Variants in PARPBP observed in about 807,000 individuals in gnomAD.
PARPBP encodes PARP1 binding protein.
A neutral mutation model predicts 50.0 loss-of-function variants in PARPBP; 52 were observed. The ratio of observed to expected loss-of-function variants is 1.04; its 90% confidence interval spans 0.83 to 1.31. The LOEUF (loss-of-function observed/expected upper bound fraction) is 1.31. Among genes scored for constraint, PARPBP ranks in the 50% most tolerant of loss-of-function variants. The probability of loss-of-function intolerance (pLI) is 0.00; values close to 1 mark genes in which losing one functional copy is unlikely to be tolerated. For missense variants in PARPBP, 697 were observed against 672.0 expected, an observed-to-expected ratio of 1.04 and a Z score of -0.41; for synonymous variants, 244 against 232.1, an observed-to-expected ratio of 1.05 and a Z score of -0.47.
intron 2 of PARPBP, among the ~76,000 whole-genome samples, chr12:102,144,878 A>G (rs1885146692): frequency 6.6e-6 from 1 of 152,186 alleles, no homozygotes; most frequent in South Asian, 2.1e-4. Context: ...AATATGTCCT[A>G]CATTTGGAGA....
At chr12:102,150,175 T>G (rs1314705237) in intron 3 of PARPBP, 1 of 450,000 alleles carries the variant, frequency 2.2e-6, no homozygotes, top group Non-Finnish European at 4.5e-6. Flanking sequence ...TTGAAGCTGC[T>G]AAGATGGTAG....
chr12:102,145,868 T>C (rs544796697), intron 2 of PARPBP, among the ~76,000 whole-genome samples: 4 of 152,204 alleles, frequency 2.6e-5, no homozygotes, highest in Non-Finnish European at 5.9e-5. Flanking sequence ...GGCTCAAGGT[T>C]TTACACTTGA....
At chr12:102,143,108 G>T (rs576707207) in intron 2 of PARPBP, among the ~76,000 whole-genome samples, 122 of 152,314 alleles carry the variant, frequency 8.0e-4, no homozygotes, top group Non-Finnish European at 1.5e-3. Context: ...ACAGAGGCAG[G>T]CGGGCCTCCT....
At chr12:102,138,372 T>C (rs987102234) in intron 2 of PARPBP, among the ~76,000 whole-genome samples, 1 of 152,108 alleles carries the variant, frequency 6.6e-6, no homozygotes, top group African/African-American at 2.4e-5. Context: ...TTCTTGTAAA[T>C]TTTTTTTAAG....
chr12:102,170,986 A>T (rs900416056), intron 6 of PARPBP, among the ~76,000 whole-genome samples: 1 of 148,664 alleles, frequency 6.7e-6, no homozygotes, highest in African/African-American at 2.5e-5. Context: ...AGGTCTACAC[A>T]GGGTCAGGAT....
rs1004819261 is a variant in PARPBP, at chr12:102,164,510, G to A, written c.568G>A (p.Val190Met). ...LLVNSKNDLA[V>M]AYILNIPDRG... ...AGTGAATTCAAAGAATGACCTGGCT[G>A]TGGCTTATATTCTCAATATTCCTGA... The change falls in exon 5 of 11, where the codon GTG becomes ATG. Residue 190 changes from valine (V) to methionine (M), a missense_variant. Physicochemically the swap from Val to Met is conservative, Grantham distance 21. Coordinates refer to ENST00000327680, the MANE Select transcript of PARPBP (RefSeq NM_017915.5). 3.7e-6 allele frequency: 6 copies of A among 1,612,486 alleles called. No homozygotes were observed. In the African/African-American group the frequency reaches 4.0e-5, roughly 11 times the overall value.
rs1032725179 is a variant in PARPBP at position 102,153,912 on chromosome 12, G to A, written c.431G>A (p.Gly144Asp). The A allele has an allele frequency of 3.1e-6, 5 of 1,611,128 alleles. No homozygotes were observed. The African/African-American group carries it at 4.0e-5, about 13-fold the overall frequency. Residue 144 changes from glycine to aspartate, a missense_variant, in exon 4 of 11, where the codon GGT becomes GAT. Physicochemically the swap from Gly to Asp is moderately conservative, Grantham distance 94. Transcript: ENST00000327680. ...CTGTCTGGCAAACAGTATGCAGTAG[G>A]TGATGAAACTGATCTTTCTATACCA... The part of the protein sequence containing the change: ...DFLSGKQYAV[G>D]DETDLSIPTS...
chr12:102,197,216 G>A lies in PARPBP; in HGVS notation c.*925G>A. On this transcript the variant is annotated 3_prime_UTR_variant, in exon 11 of 11. Transcript: ENST00000327680. Reference sequence around the variant, plus strand: ...TTGGTTTTTAGCTATCGTATTCGGAGTGGAACTATAATACAATTGTATAAT... The same window carrying A: ...TTGGTTTTTAGCTATCGTATTCGGAATGGAACTATAATACAATTGTATAAT... The A allele has an allele frequency of 7.3e-7, 1 of 1,375,660 alleles. No individual in the cohort carries two copies. The highest frequency in any genetic ancestry group is 1.0e-6 in the Non-Finnish European group (1 of 969,804). The allele number at this position is 1,375,660 out of a possible 1,614,324, so 85.2% of individuals were successfully genotyped here.
At chr12:102,126,388 A>G (rs1186611404) in intron 2 of PARPBP, among the ~76,000 whole-genome samples, 1 of 152,200 alleles carries the variant, frequency 6.6e-6, no homozygotes, top group Admixed American at 6.5e-5. Flanking sequence ...CATGCTTTAA[A>G]AAAGTTTTTC....
intron 4 of PARPBP, among the ~76,000 whole-genome samples, chr12:102,156,307 C>A (rs1283319951): frequency 6.6e-6 from 1 of 150,434 alleles, no homozygotes; most frequent in Admixed American, 6.7e-5. Flanking sequence ...CTTCCTCAGC[C>A]TCCCGCGTAG....
At chr12:102,131,256 C>T (rs1048429026) in intron 2 of PARPBP, among the ~76,000 whole-genome samples, 1 of 152,164 alleles carries the variant, frequency 6.6e-6, no homozygotes. Context: ...ACCCGAGAGG[C>T]AGAGATTGCA....
intron 8 of PARPBP, among the ~76,000 whole-genome samples, chr12:102,181,309 AG>A (rs1007719783): frequency 3.9e-5 from 6 of 152,220 alleles, no homozygotes; most frequent in African/African-American, 1.4e-4. Flanking sequence ...TTCTCAGAAT[AG>A]AAATAATGAC....
Position 102,197,139 on chromosome 12 carries a change from A to G in PARPBP, c.*848A>G, listed in dbSNP as rs773860291. 2 of 1,612,060 alleles carry G rather than the reference A, an allele frequency of 1.2e-6. No individual in the cohort carries two copies. The highest frequency in any genetic ancestry group is 1.1e-5 in the South Asian group (1 of 91,026). On this transcript the variant is annotated 3_prime_UTR_variant, in exon 11 of 11. Transcript: ENST00000327680. ...TTATAGCCAGATTCAGTGGCAGACCATGATTTAAGAAATTATGTTTGGAGC... is the reference window on the plus strand; with the variant it reads ...TTATAGCCAGATTCAGTGGCAGACCGTGATTTAAGAAATTATGTTTGGAGC...
intron 9 of PARPBP, among the ~76,000 whole-genome samples, chr12:102,183,741 A>T (rs1890051200): frequency 6.6e-6 from 1 of 152,084 alleles, no homozygotes; most frequent in African/African-American, 2.4e-5. Context: ...AATAAGTCAT[A>T]TTTTGGGGAG....
At position 102,160,562 on chromosome 12, in the gene PARPBP, G is replaced by A. The variant is rs539659634; in HGVS notation, c.496-3876G>A. Among the ~76,000 whole-genome samples the A allele has an allele frequency of 5.3e-5, 8 of 152,286 alleles. No homozygotes were observed. In the East Asian group the frequency reaches 1.5e-3, roughly 29 times the overall value. ...ACAAAGAATTGTGTCTTAGACTATT[G>A]CACTGTGAAGTTAAAATGGAAACTC... On this transcript the variant is annotated intron_variant, in intron 4 of 10. Coordinates refer to ENST00000327680, the MANE Select transcript of PARPBP (RefSeq NM_017915.5).
intron 2 of PARPBP, among the ~76,000 whole-genome samples, chr12:102,125,611 C>T (rs1440752587): frequency 6.6e-6 from 1 of 152,028 alleles, no homozygotes; most frequent in Non-Finnish European, 1.5e-5. Flanking sequence ...TGTTAATCTC[C>T]TTCCCTCCAC....
intron 9 of PARPBP, among the ~76,000 whole-genome samples, chr12:102,183,109 GT>G (rs1349826406): frequency 2.0e-5 from 3 of 152,080 alleles, no homozygotes; most frequent in Non-Finnish European, 4.4e-5. Context: ...TTTGAACTAA[GT>G]TTTGCTGTCT....
At chr12:102,140,277 G>T (rs377198959) in intron 2 of PARPBP, among the ~76,000 whole-genome samples, 1 of 152,172 alleles carries the variant, frequency 6.6e-6, no homozygotes, top group Non-Finnish European at 1.5e-5. Context: ...GCATAGAGGT[G>T]TTTATAGTAT....
intron 4 of PARPBP, among the ~76,000 whole-genome samples, chr12:102,156,134 A>G (rs1341609516): frequency 6.7e-6 from 1 of 148,444 alleles, no homozygotes; most frequent in Non-Finnish European, 1.5e-5. Flanking sequence ...GGACACCCTG[A>G]TAACACCATG....
Sources: gnomAD v4.1 joint callset for allele counts (sites outside exome capture counted in the v4.1 genomes callset) on GRCh38, gnomAD v4.1.1 for gene constraint, MANE v1.5 for transcripts, NCBI Gene and HGNC (gene_info 2026-07-23, HGNC 2026-07-21) for gene names.